The following RORA variants were observed in gnomAD, a reference collection of about 807,000 sequenced individuals.
RORA encodes RAR related orphan receptor A.
RORA carries 7 observed loss-of-function variants against 69.5 expected under a neutral mutation model. The observed-to-expected ratio is 0.10, with a 90% CI of 0.06 to 0.19. The LOEUF (loss-of-function observed/expected upper bound fraction) is 0.19. Ranked by LOEUF, RORA falls within the 10% of genes least tolerant of loss-of-function variation. The pLI is 1.00. For missense variants in RORA, 457 were observed against 663.0 expected (o/e 0.69, Z 3.41); for synonymous variants, 261 against 240.8 (o/e 1.08, Z -0.78).
At chr15:60,501,233 T>C (rs1200684099) in intron 8 of RORA, among the ~76,000 whole-genome samples, 164 bp from the exon 9 acceptor site, 20 of 150,840 alleles carry the variant, frequency 1.3e-4, no homozygotes, top group Non-Finnish European at 2.7e-4. Flanking sequence ...TCAGAAGGAA[T>C]AGTAGTAACA....
intron 2 of RORA, chr15:60,558,147 G>T: frequency 9.8e-7 from 1 of 1,024,686 alleles, no homozygotes; most frequent in Non-Finnish European, 1.5e-6. Context: ...GGGGGAAAGG[G>T]AGGCAAACAC....
At chr15:61,205,098 G>C (rs2079928748) in intron 1 of RORA, among the ~76,000 whole-genome samples, 2 of 152,196 alleles carry the variant, frequency 1.3e-5, no homozygotes, top group South Asian at 2.1e-4. Flanking sequence ...TCTGAAGTTT[G>C]AGTTTTTTCC....
chr15:60,992,521 C>G (rs1894412683), intron 1 of RORA, among the ~76,000 whole-genome samples: 1 of 152,140 alleles, frequency 6.6e-6, no homozygotes, highest in African/African-American at 2.4e-5. Context: ...CTTCCTATCC[C>G]CCACAAGTGG....
intron 1 of RORA, among the ~76,000 whole-genome samples, chr15:60,724,216 A>G (rs1057483910): frequency 6.6e-6 from 1 of 152,234 alleles, no homozygotes; most frequent in Non-Finnish European, 1.5e-5. Flanking sequence ...ACCCTGCTAG[A>G]TCACTAACAA....
At chr15:60,564,449 G>A (rs1196685045) in intron 2 of RORA, among the ~76,000 whole-genome samples, 1 of 152,082 alleles carries the variant, frequency 6.6e-6, no homozygotes, top group East Asian at 1.9e-4. Context: ...TACTGCCAGT[G>A]AGAACCATTT....
chr15:60,607,635 C>G (rs865928584), intron 2 of RORA, among the ~76,000 whole-genome samples: 19 of 152,278 alleles, frequency 1.2e-4, no homozygotes, highest in South Asian at 1.2e-3. Context: ...AGCCAAATAT[C>G]AATAAAGTAA....
chr15:61,123,479 G>T (rs1300941599), intron 1 of RORA, among the ~76,000 whole-genome samples: 1 of 152,134 alleles, frequency 6.6e-6, no homozygotes, highest in Non-Finnish European at 1.5e-5. Context: ...AGCCCCTGAG[G>T]AGTTTCACGT....
intron 1 of RORA, among the ~76,000 whole-genome samples, chr15:60,769,208 A>G (rs1490333496): frequency 2.6e-5 from 4 of 152,246 alleles, no homozygotes; most frequent in African/African-American, 9.6e-5. Flanking sequence ...AATATTTAAG[A>G]AAAATAATCT....
At chr15:61,040,147 TATATATATATATATATAAA>T (rs1896683587) in intron 1 of RORA, among the ~76,000 whole-genome samples, 1 of 105,106 alleles carries the variant, frequency 9.5e-6, no homozygotes, top group Non-Finnish European at 2.1e-5. Context: ...TATATATATA[TATATATATATATATATAAA>T]ATATATGAAA....
At chr15:60,791,986 A>C (rs972777698) in intron 1 of RORA, among the ~76,000 whole-genome samples, 4 of 152,326 alleles carry the variant, frequency 2.6e-5, no homozygotes, top group Admixed American at 1.3e-4. Flanking sequence ...GAATACTCAG[A>C]TAATGCCCTT....
chr15:60,668,255 C>A (rs1454897267), intron 2 of RORA, among the ~76,000 whole-genome samples: 1 of 152,164 alleles, frequency 6.6e-6, no homozygotes, highest in African/African-American at 2.4e-5. Context: ...GCGACATAAT[C>A]AGCCGGAGAG....
At chr15:60,586,473 C>T (rs1035804831) in intron 2 of RORA, among the ~76,000 whole-genome samples, 3 of 151,206 alleles carry the variant, frequency 2.0e-5, no homozygotes, top group South Asian at 2.1e-4. Context: ...TGTGTGTGTG[C>T]GTGTGCATGT....
intron 2 of RORA, among the ~76,000 whole-genome samples, chr15:60,672,321 G>GA (rs1311802299): frequency 6.6e-6 from 1 of 152,094 alleles, no homozygotes; most frequent in East Asian, 1.9e-4. Context: ...GAACCACTCT[G>GA]AAAAATGAAG....
intron 1 of RORA, among the ~76,000 whole-genome samples, chr15:60,970,691 T>C (rs905732505): frequency 5.9e-5 from 9 of 152,238 alleles, no homozygotes; most frequent in Non-Finnish European, 4.4e-5. Flanking sequence ...CTTGGTTTTA[T>C]GATATTCATA....
intron 1 of RORA, among the ~76,000 whole-genome samples, chr15:60,703,321 G>A (rs1310420453): frequency 6.6e-6 from 1 of 152,120 alleles, no homozygotes; most frequent in Non-Finnish European, 1.5e-5. Flanking sequence ...TTTTCACCTT[G>A]GAAAGTTCTC....
intron 2 of RORA, among the ~76,000 whole-genome samples, chr15:60,671,911 C>T (rs1404497744): frequency 2.0e-5 from 3 of 151,796 alleles, no homozygotes; most frequent in African/African-American, 7.3e-5. Context: ...CAAGCCCAGC[C>T]AGCAAGACCC....
chr15:60,536,915 G>C (rs919750488), intron 2 of RORA, among the ~76,000 whole-genome samples: 9 of 152,328 alleles, frequency 5.9e-5, no homozygotes, highest in African/African-American at 2.2e-4. Context: ...CTTTTCACTT[G>C]CTATGTTAGA....
rs774564777 is a variant in RORA, at chr15:61,131,646, G to A, written c.166+97407C>T. Among the ~76,000 whole-genome samples the A allele has an allele frequency of 5.9e-5, 9 of 152,224 alleles. No individual in the cohort carries two copies. Among genetic ancestry groups the A allele is most frequent in the Admixed American group, 1.3e-4 (2 of 15,284 alleles). On this transcript the variant is annotated intron_variant, in intron 1 of 10. Coordinates refer to ENST00000335670, the MANE Select transcript of RORA (RefSeq NM_134261.3). The surrounding 1 kb of genome is among the most constrained non-coding windows in gnomAD (Gnocchi z 4.2). ...GACTATCCGTTAGACAGTGCTTTAA[G>A]CACTTTTAATGTATTCACTCATTTA...
At chr15:60,748,536 C>G (rs775792198) in intron 1 of RORA, among the ~76,000 whole-genome samples, 20 of 152,152 alleles carry the variant, frequency 1.3e-4, no homozygotes, top group Non-Finnish European at 2.8e-4. Context: ...ATTAAGGCAG[C>G]CTCTTAGTCA....
Sources: gnomAD v4.1 joint callset for allele counts (sites outside exome capture counted in the v4.1 genomes callset) on GRCh38, gnomAD v4.1.1 for gene constraint, Gnocchi (gnomAD v3.1) non-coding constraint, MANE v1.5 for transcripts, NCBI Gene and HGNC (gene_info 2026-07-23, HGNC 2026-07-21) for gene names.